The following MAP4 variants were observed in gnomAD, a reference collection of about 807,000 sequenced individuals.
MAP4 encodes microtubule associated protein 4, also known as microtubule-associated protein 4.
MAP4 carries 76 observed loss-of-function variants against 170.2 expected under a neutral mutation model. The observed-to-expected ratio is 0.45, with a 90% CI of 0.37 to 0.54. The LOEUF (loss-of-function observed/expected upper bound fraction) is 0.54, where lower values mean the gene tolerates loss of function less well. Among genes scored for constraint, MAP4 ranks in the 20% least tolerant of loss-of-function variants. The probability of loss-of-function intolerance (pLI) is 0.00; values close to 1 mark genes in which losing one functional copy is unlikely to be tolerated. For missense variants in MAP4, 2,506 were observed against 2,748.0 expected, an observed-to-expected ratio of 0.91 and a Z score of 1.97; for synonymous variants, 909 against 994.5, an observed-to-expected ratio of 0.91 and a Z score of 1.62.
At chr3:48,004,164 G>C (rs2100100924) in intron 1 of MAP4, among the ~76,000 whole-genome samples, 2 of 152,324 alleles carry the variant, frequency 1.3e-5, no homozygotes, top group South Asian at 4.1e-4. Flanking sequence ...AGTGGTTCCA[G>C]AGGAACAGAA....
intron 3 of MAP4, among the ~76,000 whole-genome samples, chr3:47,965,784 A>G (rs150174764): frequency 1.3e-5 from 2 of 152,180 alleles, no homozygotes; most frequent in African/African-American, 4.8e-5. Flanking sequence ...CATATTCTGG[A>G]TATTAACTCC....
At chr3:47,928,893 A>C (rs1340201371) in intron 3 of MAP4, among the ~76,000 whole-genome samples, 1 of 152,154 alleles carries the variant, frequency 6.6e-6, no homozygotes, top group African/African-American at 2.4e-5. Flanking sequence ...AAGATTCAAT[A>C]CTGTTAAGAT....
Position 47,851,448 on chromosome 3 carries a change from G to C in MAP4, c.*1486C>G, listed in dbSNP as rs1281020940. On this transcript the variant is annotated 3_prime_UTR_variant, in exon 21 of 21. Transcript: ENST00000683076. ...CCAGAGAAGGGCAGAGGTCAGGAGGGGGCATGAGGAGGCCAAGTCTGGGGC... is the reference window on the plus strand; with the variant it reads ...CCAGAGAAGGGCAGAGGTCAGGAGGCGGCATGAGGAGGCCAAGTCTGGGGC... The C allele has an allele frequency of 6.6e-6, 1 of 152,224 alleles. No individual in the cohort carries two copies. 9.4% of individuals were successfully genotyped at this position (152,224 alleles called of 1,614,324 possible).
intron 17 of MAP4, among the ~76,000 whole-genome samples, chr3:47,863,944 T>TG (rs1553728844): frequency 2.3e-5 from 2 of 86,306 alleles, no homozygotes; most frequent in South Asian, 3.7e-4. Flanking sequence ...GTGTGGGGAG[T>TG]GGTGGGGGGT....
At chr3:47,887,211 GGC>G in intron 10 of MAP4, among the ~76,000 whole-genome samples, 1 of 152,354 alleles carries the variant, frequency 6.6e-6, no homozygotes, top group Non-Finnish European at 1.5e-5. Flanking sequence ...TGGAAGGAGA[GGC>G]GCGAGCAGGA....
intron 1 of MAP4, among the ~76,000 whole-genome samples, chr3:48,045,999 T>TC (rs1382729801): frequency 1.3e-5 from 2 of 151,762 alleles, no homozygotes; most frequent in Admixed American, 6.6e-5. Flanking sequence ...TTTTTTTTTT[T>TC]TTTTTACCAA....
At chr3:47,857,916 G>A (rs576328711) in intron 17 of MAP4, among the ~76,000 whole-genome samples, 1 of 151,984 alleles carries the variant, frequency 6.6e-6, no homozygotes, top group Non-Finnish European at 1.5e-5. Context: ...CACCATGTTG[G>A]CCAGGCTGGT....
In MAP4 at chr3:47,911,599, T is replaced by C; in HGVS notation, c.2822A>G (p.Asp941Gly). The change falls in exon 9 of 21, where the codon GAT becomes GGT. Residue 941 changes from aspartate to glycine, a missense_variant. Physicochemically the swap from Asp to Gly is moderately conservative, Grantham distance 94. Around this residue, in one of 3 missense-constraint regions of MAP4, gnomAD observed 2,008 missense variants for 2,206.0 expected, o/e 0.91. Coordinates refer to ENST00000683076, the MANE Select transcript of MAP4 (RefSeq NM_001385682.1). This position sits in a 1 kb window ranked among gnomAD's most constrained non-coding sequence, Gnocchi z 4.0. ...AGAGCAACCCTCTTTAAGTCTGATA[T>C]CCAAAGGGGTTTCTACATTGTATGC... ...VSAYNVETPL[D>G]IRLKEGCSPF... The C allele has an allele frequency of 6.5e-7, 1 of 1,536,136 alleles. No individual in the cohort carries two copies. Among genetic ancestry groups the C allele is most frequent in the Non-Finnish European group, 8.7e-7 (1 of 1,146,918 alleles).
In MAP4 at chr3:47,909,022, C is replaced by A; in HGVS notation, c.5383+16G>T. The A allele has an allele frequency of 1.2e-6, 2 of 1,601,854 alleles. No homozygotes were observed. Among genetic ancestry groups the A allele is most frequent in the South Asian group, 1.1e-5 (1 of 88,990 alleles). On this transcript the variant is annotated intron_variant, in intron 9 of 20. Coordinates refer to ENST00000683076, the MANE Select transcript of MAP4 (RefSeq NM_001385682.1). ...AAAGCCACAAGCACACACATTTCCCCATGGCAGGTTCATACCAGCGGACTT... is the reference window on the plus strand; with the variant it reads ...AAAGCCACAAGCACACACATTTCCCAATGGCAGGTTCATACCAGCGGACTT...
At chr3:47,912,967 G>GCA (rs1340989546) in intron 8 of MAP4, among the ~76,000 whole-genome samples, 1 of 152,032 alleles carries the variant, frequency 6.6e-6, no homozygotes, top group Non-Finnish European at 1.5e-5. Flanking sequence ...GTCACTTCAC[G>GCA]CACACACACA....
intron 1 of MAP4, among the ~76,000 whole-genome samples, chr3:48,051,230 T>C (rs776988145): frequency 2.0e-5 from 3 of 151,820 alleles, no homozygotes; most frequent in Non-Finnish European, 4.4e-5. Context: ...CTGGGCAACA[T>C]GGCAAAACCC....
chr3:48,072,915 C>T (rs1257547571), intron 1 of MAP4, among the ~76,000 whole-genome samples: 1 of 152,120 alleles, frequency 6.6e-6, no homozygotes, highest in African/African-American at 2.4e-5. Context: ...CTTCAAGGGA[C>T]TCTCAGGCCA....
At chr3:47,941,505 C>T (rs527839207) in intron 3 of MAP4, among the ~76,000 whole-genome samples, 6 of 151,634 alleles carry the variant, frequency 4.0e-5, no homozygotes, top group East Asian at 3.9e-4. Flanking sequence ...TGGCTGGGCT[C>T]GGTGGCTCAC....
intron 1 of MAP4, among the ~76,000 whole-genome samples, chr3:48,001,404 C>T (rs1296648690): frequency 6.6e-6 from 1 of 152,162 alleles, no homozygotes; most frequent in African/African-American, 2.4e-5. Flanking sequence ...AAGCCTTCTT[C>T]CATGTGCCTA....
chr3:47,880,646 T>A (rs923077077), intron 10 of MAP4, among the ~76,000 whole-genome samples: 55 of 151,906 alleles, frequency 3.6e-4, no homozygotes, highest in African/African-American at 8.4e-4. Flanking sequence ...ACAAAAAAAA[T>A]TTTTTTGAAG....
At chr3:48,088,606 C>G (rs1352976071) in intron 1 of MAP4, among the ~76,000 whole-genome samples, 1 of 152,114 alleles carries the variant, frequency 6.6e-6, no homozygotes, top group Non-Finnish European at 1.5e-5. Context: ...CCCCGCCTGG[C>G]CCCCTCCCTC....
At chr3:47,997,701 A>G (rs2100096720) in intron 2 of MAP4, among the ~76,000 whole-genome samples, 1 of 151,836 alleles carries the variant, frequency 6.6e-6, no homozygotes. Flanking sequence ...CTCTACCTAG[A>G]CTTATCAAAG....
At position 48,062,494 on chromosome 3, in the gene MAP4, TAAAAAA is replaced by T. The variant is rs1156947592; in HGVS notation, c.-20+26273_-20+26278del. On this transcript the variant is annotated intron_variant, in intron 1 of 18. Transcript: ENST00000360240. Reference sequence around the variant, plus strand: ...GCGAGAAACACCCAAGAATGATCAATAAAAAAAAAAAAAAAAAAAAAAACATCACTA... The same window carrying T: ...GCGAGAAACACCCAAGAATGATCAATAAAAAAAAAAAAAAAAACATCACTA... Among the ~76,000 whole-genome samples the T allele has an allele frequency of 1.1e-4, 9 of 81,556 alleles. No homozygotes were observed. The Admixed American group carries it at 1.1e-3, about 10-fold the overall frequency. 53.5% of individuals were successfully genotyped at this position (81,556 alleles called of 152,430 possible).
At chr3:48,057,979 G>A (rs1323874363) in intron 1 of MAP4, among the ~76,000 whole-genome samples, 1 of 152,140 alleles carries the variant, frequency 6.6e-6, no homozygotes, top group East Asian at 1.9e-4. Flanking sequence ...TGAACTATGA[G>A]TTACATATCC....
Sources: gnomAD v4.1 joint callset for allele counts (sites outside exome capture counted in the v4.1 genomes callset) on GRCh38, gnomAD v4.1.1 for gene constraint, gnomAD v4.1.1 regional missense constraint, Gnocchi (gnomAD v3.1) non-coding constraint, MANE v1.5 for transcripts, NCBI Gene and HGNC (gene_info 2026-07-23, HGNC 2026-07-21) for gene names.